Variants in GRIK4 observed in about 807,000 individuals in gnomAD.
GRIK4 encodes the protein glutamate ionotropic receptor kainate type subunit 4.
GRIK4 carries 40 observed loss-of-function variants against 104.9 expected under a neutral mutation model. The ratio of observed to expected loss-of-function variants is 0.38; its 90% CI spans 0.30 to 0.50. The LOEUF is 0.50. Among genes scored for constraint, GRIK4 ranks in the 20% least tolerant of loss-of-function variants. The pLI, the probability that GRIK4 is intolerant of heterozygous loss-of-function variation, is 0.93. For missense variants in GRIK4, 1,047 were observed against 1,308.1 expected, an observed-to-expected ratio of 0.80 and a Z score of 3.08; for synonymous variants, 485 against 524.9, an observed-to-expected ratio of 0.92 and a Z score of 1.04.
intron 3 of GRIK4, among the ~76,000 whole-genome samples, chr11:120,777,742 G>A (rs1175246811): frequency 1.3e-5 from 2 of 152,264 alleles, no homozygotes; most frequent in Admixed American, 6.5e-5. Context: ...TTCGAGACCA[G>A]CCTGGCCAAC....
chr11:120,942,085 C>T (rs1209922128), intron 14 of GRIK4, among the ~76,000 whole-genome samples: 2 of 152,244 alleles, frequency 1.3e-5, no homozygotes, highest in African/African-American at 2.4e-5. Flanking sequence ...GCCTGCCACC[C>T]TCCTGTGTGT....
At chr11:120,839,361 A>G (rs1953659007) in intron 8 of GRIK4, among the ~76,000 whole-genome samples, 1 of 152,164 alleles carries the variant, frequency 6.6e-6, no homozygotes, top group African/African-American at 2.4e-5. Context: ...TCATGACTCA[A>G]AACTTTTGTT....
chr11:120,896,201 A>T (rs1005471232), intron 11 of GRIK4, among the ~76,000 whole-genome samples: 1 of 152,234 alleles, frequency 6.6e-6, no homozygotes, highest in East Asian at 1.9e-4. Context: ...GGAGTCAGAC[A>T]GGATGACCAG....
chr11:120,512,913 C>T (rs368970843), intron 1 of GRIK4, among the ~76,000 whole-genome samples: 3 of 152,162 alleles, frequency 2.0e-5, no homozygotes, highest in African/African-American at 4.8e-5. Context: ...GCCTCTGGCC[C>T]GTCTGCCTGG....
intron 9 of GRIK4, among the ~76,000 whole-genome samples, chr11:120,866,781 GC>G (rs1954428014): frequency 6.6e-6 from 1 of 152,152 alleles, no homozygotes; most frequent in South Asian, 2.1e-4. Flanking sequence ...CTTTCTCTCA[GC>G]CAAGCCCCTT....
rs376266352 is a variant in GRIK4, at chr11:120,905,418, G to A, written c.1401G>A (p.Leu467=). ...EILRFNYKIR[L]VGDGVYGVPE... ...TCCGATTCAACTACAAGATCCGCCT[G>A]GTTGGGGATGGCGTGTACGGCGTTC... Residue 467 remains leucine, a synonymous_variant, in exon 13 of 21, where the codon CTG becomes CTA. Coordinates refer to ENST00000527524, the MANE Select transcript of GRIK4 (RefSeq NM_014619.5). This position sits in a 1 kb window ranked among gnomAD's most constrained non-coding sequence, Gnocchi z 5.1. The A allele has an allele frequency of 1.9e-5, 30 of 1,614,012 alleles. No homozygotes were observed. Among genetic ancestry groups the A allele is most frequent in the Non-Finnish European group, 2.5e-5 (30 of 1,179,922 alleles).
chr11:120,782,704 G>T (rs1019046931), intron 3 of GRIK4, among the ~76,000 whole-genome samples: 8 of 152,194 alleles, frequency 5.3e-5, no homozygotes, highest in Admixed American at 3.9e-4. Context: ...TGTGTAGGGG[G>T]TGCTGAAGCA....
chr11:120,518,455 AT>A (rs1162669975), intron 1 of GRIK4, among the ~76,000 whole-genome samples: 2 of 151,840 alleles, frequency 1.3e-5, no homozygotes, highest in African/African-American at 2.4e-5. Flanking sequence ...AGCTATATAT[AT>A]TTTTTTTAAT....
chr11:120,679,379 C>T (rs1591797063), intron 3 of GRIK4, among the ~76,000 whole-genome samples: 1 of 152,154 alleles, frequency 6.6e-6, no homozygotes, highest in Admixed American at 6.5e-5. Context: ...ACCTAGTGCC[C>T]CCGGAGCCCA....
intron 3 of GRIK4, among the ~76,000 whole-genome samples, chr11:120,706,580 C>A (rs1304345026): frequency 6.6e-6 from 1 of 152,132 alleles, no homozygotes; most frequent in Non-Finnish European, 1.5e-5. Flanking sequence ...GGGTGGTATG[C>A]TCTGACATTT....
intron 1 of GRIK4, among the ~76,000 whole-genome samples, chr11:120,602,026 C>G (rs1948894608): frequency 6.6e-6 from 1 of 152,094 alleles, no homozygotes; most frequent in Non-Finnish European, 1.5e-5. Flanking sequence ...CATTGATCCT[C>G]TCTCTTTGAT....
At chr11:120,570,695 A>G (rs1948387523) in intron 1 of GRIK4, among the ~76,000 whole-genome samples, 1 of 152,084 alleles carries the variant, frequency 6.6e-6, no homozygotes, top group South Asian at 2.1e-4. Context: ...GGTTCAAGTG[A>G]TCCTACCACC....
intron 3 of GRIK4, among the ~76,000 whole-genome samples, chr11:120,782,325 G>A (rs11218006): frequency 0.051 from 7,204 of 141,788 alleles, 336 homozygotes; most frequent in African/African-American, 0.13. Context: ...TCGCTCTGTC[G>A]CCCAGGCTGG....
At chr11:120,860,006 G>C (rs1954219637) in intron 8 of GRIK4, among the ~76,000 whole-genome samples, 2 of 152,204 alleles carry the variant, frequency 1.3e-5, no homozygotes, top group African/African-American at 2.4e-5. Context: ...AGGATGCAAG[G>C]GTGGCGCCAG....
At chr11:120,525,045 C>G (rs1195262195) in intron 1 of GRIK4, among the ~76,000 whole-genome samples, 1 of 152,150 alleles carries the variant, frequency 6.6e-6, no homozygotes, top group Non-Finnish European at 1.5e-5. Flanking sequence ...CCCTTCTTAC[C>G]CTTCTCAGTG....
intron 1 of GRIK4, among the ~76,000 whole-genome samples, chr11:120,605,737 G>A (rs1288281839): frequency 6.6e-6 from 1 of 152,240 alleles, no homozygotes; most frequent in Non-Finnish European, 1.5e-5. Flanking sequence ...CTTCAGCCAC[G>A]CTGGGCACAG....
At position 120,956,107 on chromosome 11, in the gene GRIK4, A is replaced by G. The variant is rs528542437; in HGVS notation, c.1701-673A>G. On this transcript the variant is annotated intron_variant, in intron 15 of 20. Coordinates refer to ENST00000527524, the MANE Select transcript of GRIK4 (RefSeq NM_014619.5). This position sits in a 1 kb window ranked among gnomAD's most constrained non-coding sequence, Gnocchi z 4.6. ...AACCGTGGTTCTAAGGGACACTAATATCTCTCTCATCACCCTGTCACTGGC... is the reference window on the plus strand; with the variant it reads ...AACCGTGGTTCTAAGGGACACTAATGTCTCTCTCATCACCCTGTCACTGGC... 2.1e-4 allele frequency among the ~76,000 whole-genome samples: 32 copies of G among 151,750 alleles called. No individual in the cohort carries two copies. Among genetic ancestry groups the G allele is most frequent in the Non-Finnish European group, 4.3e-4 (29 of 67,970 alleles).
chr11:120,862,695 G>A (rs927556430), intron 9 of GRIK4, among the ~76,000 whole-genome samples: 5 of 152,184 alleles, frequency 3.3e-5, no homozygotes, highest in African/African-American at 1.2e-4. Context: ...CTGCAGTTCT[G>A]GCCCCTTCCG....
intron 3 of GRIK4, among the ~76,000 whole-genome samples, chr11:120,799,214 G>C (rs1952579388): frequency 6.6e-6 from 1 of 152,170 alleles, no homozygotes; most frequent in Admixed American, 6.5e-5. Flanking sequence ...ATAGTTAGTA[G>C]GTTATAGATG....
Sources: gnomAD v4.1 joint callset for allele counts (sites outside exome capture counted in the v4.1 genomes callset) on GRCh38, gnomAD v4.1.1 for gene constraint, Gnocchi (gnomAD v3.1) non-coding constraint, MANE v1.5 for transcripts, NCBI Gene and HGNC (gene_info 2026-07-23, HGNC 2026-07-21) for gene names.